Variants in CRISPLD2 observed in about 807,000 individuals in gnomAD.
CRISPLD2 encodes cysteine-rich secretory protein LCCL domain-containing 2.
Under a neutral mutation model 71.1 loss-of-function variants are expected in CRISPLD2, and 47 were observed. The ratio of observed to expected loss-of-function variants is 0.66; its 90% CI spans 0.52 to 0.84. The LOEUF (loss-of-function observed/expected upper bound fraction) is 0.84. Ranked by LOEUF, CRISPLD2 falls within the 40% of genes least tolerant of loss-of-function variation. The pLI is 0.00. For missense variants in CRISPLD2, 830 were observed against 651.1 expected (o/e 1.27, Z -2.99); for synonymous variants, 317 against 250.1 (o/e 1.27, Z -2.52).
intron 14 of CRISPLD2, among the ~76,000 whole-genome samples, chr16:84,899,659 C>T (rs1197498528): frequency 6.6e-6 from 1 of 152,148 alleles, no homozygotes; most frequent in East Asian, 1.9e-4. Flanking sequence ...ACTTGCCCAG[C>T]TTGTCGGGGC....
At chr16:84,839,038 A>G in intron 2 of CRISPLD2, 1 of 483,552 alleles carries the variant, frequency 2.1e-6, no homozygotes, top group Non-Finnish European at 3.9e-6. Context: ...GGCATGCACC[A>G]TGGTGCCCAG....
intron 12 of CRISPLD2, 39 bp from the exon 13 acceptor site, chr16:84,880,470 G>C: frequency 7.8e-6 from 12 of 1,537,664 alleles, no homozygotes; most frequent in Non-Finnish European, 1.1e-5. Context: ...TTGGTTTTCT[G>C]TGCTCAGACC....
chr16:84,906,251 G>A (rs569022043), intron 14 of CRISPLD2, among the ~76,000 whole-genome samples: 1 of 152,124 alleles, frequency 6.6e-6, no homozygotes, highest in East Asian at 1.9e-4. Flanking sequence ...ACCACTGTTC[G>A]GGTTGACAGG....
At chr16:84,889,904 A>G (rs2071646678) in intron 14 of CRISPLD2, among the ~76,000 whole-genome samples, 1 of 152,146 alleles carries the variant, frequency 6.6e-6, no homozygotes, top group African/African-American at 2.4e-5. Flanking sequence ...CTGGAGTCCA[A>G]CAGACCTGGG....
intron 2 of CRISPLD2, 37 bp downstream of exon 2, chr16:84,838,772 G>A: frequency 6.3e-7 from 1 of 1,588,172 alleles, no homozygotes; most frequent in Non-Finnish European, 8.5e-7. Context: ...CTGGCACCGG[G>A]GGTGGGGCCT....
At chr16:84,867,131 G>A (rs4783092) in intron 7 of CRISPLD2, 91 bp downstream of exon 7, 212,132 of 1,380,950 alleles carry the variant, frequency 0.15, 17,311 homozygotes, top group South Asian at 0.23. Flanking sequence ...GTGGATTTAG[G>A]TCTGCAAATC....
At chr16:84,882,511 T>C (rs1250208193) in intron 13 of CRISPLD2, among the ~76,000 whole-genome samples, 1 of 152,136 alleles carries the variant, frequency 6.6e-6, no homozygotes, top group Non-Finnish European at 1.5e-5. Context: ...TTCAAGAGAT[T>C]CTCCTGCCTC....
In CRISPLD2 at chr16:84,907,004, A is replaced by C. The variant is rs1436818112; in HGVS notation, c.*362A>C. 9.9e-6 allele frequency: 3 copies of C among 302,660 alleles called. No homozygotes were observed. The highest frequency in any genetic ancestry group is 6.6e-5 in the African/African-American group (3 of 45,220). The allele number at this position is 302,660 out of a possible 1,614,324, so 18.7% of individuals were successfully genotyped here. ...GGAAGTTGATTTCAACCTCCCTGCC[A>C]AAAGAACAAACCATTTGAAGCTCAC... is the stretch of plus-strand genomic sequence containing the variant. On this transcript the variant is annotated 3_prime_UTR_variant, in exon 15 of 15. Transcript: ENST00000262424.
rs779312224 is a variant in CRISPLD2, at chr16:84,845,876, G to A, written c.331G>A (p.Gly111Arg). ...HGPTSLLVSI[G>R]QNLGAHWGRY... The stretch of plus-strand genomic sequence containing the variant: ...GCCCACCAGTCTGCTGGTGTCCATC[G>A]GGCAGAACCTGGGCGCTCACTGGGG... The change falls in exon 3 of 15, where the codon GGG becomes AGG. Residue 111 changes from glycine to arginine, a missense_variant. Coordinates refer to ENST00000262424, the MANE Select transcript of CRISPLD2 (RefSeq NM_031476.4). 15 of 1,613,542 alleles carry A rather than the reference G, an allele frequency of 9.3e-6. No homozygotes were observed. Among genetic ancestry groups the A allele is most frequent in the East Asian group, 2.2e-5 (1 of 44,900 alleles).
At chr16:84,878,266 C>G (rs1237627083) in intron 12 of CRISPLD2, among the ~76,000 whole-genome samples, 1 of 140,476 alleles carries the variant, frequency 7.1e-6, no homozygotes, top group Non-Finnish European at 1.5e-5. Flanking sequence ...CCAAGGTATA[C>G]AGGGTCACAA....
chr16:84,897,682 C>T (rs997695411), intron 14 of CRISPLD2, among the ~76,000 whole-genome samples: 1 of 152,064 alleles, frequency 6.6e-6, no homozygotes, highest in Admixed American at 6.5e-5. Flanking sequence ...AGCGGCTTGA[C>T]CTCGGCTCAT....
At chr16:84,841,914 G>C (rs1327936475) in intron 2 of CRISPLD2, 1 of 152,800 alleles carries the variant, frequency 6.5e-6, no homozygotes, top group Non-Finnish European at 1.5e-5. Flanking sequence ...TTTTGCTGCT[G>C]TGCGGTGTTG....
chr16:84,828,056 G>A (rs1200748472), intron 1 of CRISPLD2, among the ~76,000 whole-genome samples: 2 of 152,164 alleles, frequency 1.3e-5, no homozygotes, highest in African/African-American at 2.4e-5. Flanking sequence ...GGCAGATTCG[G>A]TCTTTTTCAC....
rs548434252 is a variant in CRISPLD2 at position 84,907,412 on chromosome 16, TC to T, written c.*773del. ...ACCTGTTTTCTGCCGTGACCTTTGG[TC>T]CCATTGAGGACTAAGGATCGGGACC... is the stretch of plus-strand genomic sequence containing the variant. On this transcript the variant is annotated 3_prime_UTR_variant, in exon 15 of 15. Transcript: ENST00000262424. 2.5e-3 allele frequency: 377 copies of T among 152,530 alleles called. 1 individual carries two copies. Among genetic ancestry groups the T allele is most frequent in the Non-Finnish European group, 3.8e-3 (257 of 68,178 alleles). 9.4% of individuals were successfully genotyped at this position (152,530 alleles called of 1,614,324 possible).
chr16:84,843,487 C>T (rs1916831326), intron 2 of CRISPLD2, among the ~76,000 whole-genome samples: 1 of 152,202 alleles, frequency 6.6e-6, no homozygotes, highest in African/African-American at 2.4e-5. Flanking sequence ...CTGGAGCCAG[C>T]CTGCCTCCGT....
At chr16:84,834,020 G>A (rs1001894177) in intron 1 of CRISPLD2, among the ~76,000 whole-genome samples, 1 of 152,214 alleles carries the variant, frequency 6.6e-6, no homozygotes, top group Non-Finnish European at 1.5e-5. Flanking sequence ...AGGCAGCAGG[G>A]CACTAAGCCA....
chr16:84,894,949 C>G (rs1383573724), intron 14 of CRISPLD2, among the ~76,000 whole-genome samples: 1 of 152,018 alleles, frequency 6.6e-6, no homozygotes, highest in African/African-American at 2.4e-5. Context: ...AGATACTAAG[C>G]TATCATTTCC....
intron 2 of CRISPLD2, among the ~76,000 whole-genome samples, chr16:84,843,000 C>A (rs1916816992): frequency 6.6e-6 from 1 of 152,194 alleles, no homozygotes; most frequent in African/African-American, 2.4e-5. Context: ...CTCCCGGTTT[C>A]ATGCAAGACT....
chr16:84,882,129 A>T (rs905858578), intron 13 of CRISPLD2, among the ~76,000 whole-genome samples: 1 of 152,186 alleles, frequency 6.6e-6, no homozygotes, highest in Non-Finnish European at 1.5e-5. Context: ...TTTTCAAATG[A>T]TTTAAAAATA....
Sources: allele counts gnomAD v4.1 joint callset (sites outside exome capture counted in the v4.1 genomes callset), GRCh38; gene constraint gnomAD v4.1.1; transcripts MANE v1.5; gene names NCBI Gene and HGNC (gene_info 2026-07-23, HGNC 2026-07-21).